Variants in C16orf95 observed in about 807,000 individuals in gnomAD.
C16orf95 encodes the protein uncharacterized protein C16orf95.
A neutral mutation model predicts 32.1 loss-of-function variants in C16orf95; 41 were observed. The ratio of observed to expected loss-of-function variants is 1.28; its 90% CI spans 1.00 to 1.66. The LOEUF (loss-of-function observed/expected upper bound fraction) is 1.66. Among genes scored for constraint, C16orf95 ranks in the 40% most tolerant of loss-of-function variants. C16orf95 has a pLI of 0.00. For missense variants in C16orf95, 399 were observed against 325.9 expected (o/e 1.22, Z -1.73); for synonymous variants, 147 against 128.9 (o/e 1.14, Z -0.95).
chr16:87,305,668 G>A lies in C16orf95; in HGVS notation c.701+51C>T, dbSNP rs1910985855. On this transcript the variant is annotated intron_variant, in intron 6 of 6. Transcript: ENST00000567970. The surrounding 1 kb of genome is among the most constrained non-coding windows in gnomAD (Gnocchi z 4.2). ...ATGGCCACCAAGCCTCCCTCAGGTG[G>A]ACGTCACCATGCCAGGGCCACCCAC... is the stretch of plus-strand genomic sequence containing the variant. 2 of 1,430,732 alleles carry A rather than the reference G, an allele frequency of 1.4e-6. No homozygotes were observed. The highest frequency in any genetic ancestry group is 2.7e-5 in the East Asian group (1 of 37,388). The allele number at this position is 1,430,732 out of a possible 1,614,324, so 88.6% of individuals were successfully genotyped here.
At position 87,305,063 on chromosome 16, in the gene C16orf95, G is replaced by A. The variant is rs1262498893; in HGVS notation, c.701+656C>T. 6.6e-6 allele frequency among the ~76,000 whole-genome samples: 1 copy of A among 152,184 alleles called. No homozygotes were observed. The highest frequency in any genetic ancestry group is 2.4e-5 in the African/African-American group (1 of 41,454). On this transcript the variant is annotated intron_variant, in intron 6 of 6. Transcript: ENST00000567970. The surrounding 1 kb of genome is among the most constrained non-coding windows in gnomAD (Gnocchi z 4.2). The stretch of plus-strand genomic sequence containing the variant: ...AGGAGGAGGAGAGGAGAGAGGCTTT[G>A]CAGAGGAGCCACCGCCTAGGCCGAG...
chr16:87,306,493 T>C (rs896422162), intron 5 of C16orf95, among the ~76,000 whole-genome samples: 1 of 152,130 alleles, frequency 6.6e-6, no homozygotes, highest in Admixed American at 6.5e-5. Flanking sequence ...ATATAAAATA[T>C]ACATTAATTA....
chr16:87,314,663 A>G (rs1357440727), intron 3 of C16orf95, among the ~76,000 whole-genome samples: 1 of 152,210 alleles, frequency 6.6e-6, no homozygotes, highest in Non-Finnish European at 1.5e-5. Context: ...AGTTTATCAC[A>G]TGCCAATCAA....
Position 87,305,826 on chromosome 16 carries a change from C to A in C16orf95, c.594G>T (p.Gln198His). 1 of 1,494,022 alleles carries A rather than the reference C, an allele frequency of 6.7e-7. No individual in the cohort carries two copies. The highest frequency in any genetic ancestry group is 1.3e-5 in the South Asian group (1 of 78,146). 92.5% of individuals were successfully genotyped at this position (1,494,022 alleles called of 1,614,324 possible). Residue 198 changes from glutamine to histidine, a missense_variant, in exon 6 of 7, where the codon CAG (glutamine) becomes CAT (histidine). Gln to His is a conservative substitution (Grantham distance 24). Coordinates refer to ENST00000567970, the MANE Select transcript of C16orf95 (RefSeq NM_001195124.3). The surrounding 1 kb of genome is among the most constrained non-coding windows in gnomAD (Gnocchi z 4.2). ...GDECLLSKFQ[Q>H]LQAPYQDQLP... is the part of the protein sequence containing the mutation. ...GCTGGTCCTGGTAGGGGGCCTGGAG[C>A]TGCTGGAACTTGGACAACAGGCACT...
rs1381579178 is a variant in C16orf95, at chr16:87,305,566, C to T, written c.701+153G>A. Among the ~76,000 whole-genome samples, 1 of 147,412 alleles carries T rather than the reference C, an allele frequency of 6.8e-6. No homozygotes were observed. Among genetic ancestry groups the T allele is most frequent in the African/African-American group, 2.5e-5 (1 of 40,186 alleles). On this transcript the variant is annotated intron_variant, in intron 6 of 6. Coordinates refer to ENST00000567970, the MANE Select transcript of C16orf95 (RefSeq NM_001195124.3). The surrounding 1 kb of genome is among the most constrained non-coding windows in gnomAD (Gnocchi z 4.2). The stretch of plus-strand genomic sequence containing the variant: ...GGCAGAGCCTGCGCTGTGCAGAGCA[C>T]CACAGGACACACTCACAGTGCCGGG...
rs1020814033 is a variant in C16orf95 at position 87,311,123 on chromosome 16, T to C, written c.477+27A>G. 57 of 1,490,462 alleles carry C rather than the reference T, an allele frequency of 3.8e-5. No individual in the cohort carries two copies. In the African/African-American group the frequency reaches 7.8e-4, roughly 20 times the overall value. The allele number at this position is 1,490,462 out of a possible 1,614,324, so 92.3% of individuals were successfully genotyped here. A position where few individuals can be genotyped will look rare whatever the true frequency, so the allele number is the denominator to read the frequency against. Reference sequence around the variant, plus strand: ...CGGCCCCCACCTCACTCTTCAGTTCTCACTGCAGTGTGCGCCTCCTCCTTA... The same window carrying C: ...CGGCCCCCACCTCACTCTTCAGTTCCCACTGCAGTGTGCGCCTCCTCCTTA... On this transcript the variant is annotated intron_variant, in intron 4 of 6. Coordinates refer to ENST00000567970, the MANE Select transcript of C16orf95 (RefSeq NM_001195124.3).
chr16:87,315,781 G>T lies in C16orf95; in HGVS notation c.195C>A (p.Pro65=). 1.3e-6 allele frequency: 2 copies of T among 1,530,478 alleles called. No homozygotes were observed. Among genetic ancestry groups the T allele is most frequent in the Non-Finnish European group, 1.7e-6 (2 of 1,144,014 alleles). The allele number at this position is 1,530,478 out of a possible 1,614,324, so 94.8% of individuals were successfully genotyped here. The change falls in exon 2 of 7, where the codon CCC becomes CCA. Residue 65 remains proline, a synonymous_variant. Transcript: ENST00000567970. The part of the protein sequence containing the change: ...FQTYKKEVCL[P]RHSMHPGPWA... ...GATTTGCTTTCCTTACCGAATGACG[G>T]GGGAGGCACACTTCTTTCTTGTAGG...
Position 87,302,986 on chromosome 16 carries a change from G to C in C16orf95, c.*71C>G, listed in dbSNP as rs1910832202. The C allele has an allele frequency of 6.8e-7, 1 of 1,469,640 alleles. No individual in the cohort carries two copies. The highest frequency in any genetic ancestry group is 2.0e-5 in the Admixed American group (1 of 50,922). The allele number at this position is 1,469,640 out of a possible 1,614,324, so 91.0% of individuals were successfully genotyped here. ...GACTGTCACAGACGCCTCCTGATTG[G>C]TGGACTCTCAAAGATCTTGATCGTG... On this transcript the variant is annotated 3_prime_UTR_variant, in exon 7 of 7. Transcript: ENST00000567970.
intron 6 of C16orf95, chr16:87,303,635 C>G (rs1256729083): frequency 6.3e-6 from 1 of 157,500 alleles, no homozygotes; most frequent in Admixed American, 6.0e-5. Flanking sequence ...CAGACACCTG[C>G]TATGGAAGCA....
Position 87,305,740 on chromosome 16 carries a change from G to GA in C16orf95, c.679_680insT (p.Pro227LeufsTer62). On this transcript the variant is annotated frameshift_variant, in exon 6 of 7. Coordinates refer to ENST00000567970, the MANE Select transcript of C16orf95 (RefSeq NM_001195124.3). LOFTEE classifies it low-confidence loss of function (END_TRUNC). The surrounding 1 kb of genome is among the most constrained non-coding windows in gnomAD (Gnocchi z 4.2). ...TCACCGAATGGCCATGATGACCCTC[G>GA]GGATGGCCTGGAGGAGGGTCAGGAG... 6.6e-7 allele frequency: 1 copy of GA among 1,511,572 alleles called. No individual in the cohort carries two copies. The highest frequency in any genetic ancestry group is 2.7e-5 in the East Asian group (1 of 37,272). 93.6% of individuals were successfully genotyped at this position (1,511,572 alleles called of 1,614,324 possible).
intron 1 of C16orf95, 74 bp from the exon 2 acceptor site, chr16:87,315,897 C>T (rs1904321957): frequency 3.6e-6 from 4 of 1,104,236 alleles, no homozygotes; most frequent in Admixed American, 2.7e-5. Context: ...CAGGCCTGGA[C>T]CTGTCTTCTC....
At chr16:87,308,014 A>G (rs1911104030) in intron 5 of C16orf95, among the ~76,000 whole-genome samples, 1 of 152,208 alleles carries the variant, frequency 6.6e-6, no homozygotes, top group Admixed American at 6.5e-5. Context: ...CAGGACTGTA[A>G]TTTGGCTGTA....
rs956206369 is a variant in C16orf95 at position 87,317,330 on chromosome 16, G to C, written c.-88C>G. On this transcript the variant is annotated 5_prime_UTR_variant, in exon 1 of 7. Transcript: ENST00000567970. ...GCTCCCGCCTTTCCCTCCTGCCCCAGGAGGAACCCAACCCGAGCTCAACCC... is the reference window on the plus strand; with the variant it reads ...GCTCCCGCCTTTCCCTCCTGCCCCACGAGGAACCCAACCCGAGCTCAACCC... 4 of 1,438,922 alleles carry C rather than the reference G, an allele frequency of 2.8e-6. No individual in the cohort carries two copies. In the African/African-American group the frequency reaches 5.7e-5, roughly 21 times the overall value. The allele number at this position is 1,438,922 out of a possible 1,614,324, so 89.1% of individuals were successfully genotyped here. A position where few individuals can be genotyped will look rare whatever the true frequency, so the allele number is the denominator to read the frequency against.
intron 3 of C16orf95, among the ~76,000 whole-genome samples, chr16:87,312,934 T>TAA: frequency 6.6e-6 from 1 of 152,152 alleles, no homozygotes; most frequent in Admixed American, 6.5e-5. Context: ...GTCATCAAAA[T>TAA]TATGAAATAC....
Position 87,315,786 on chromosome 16 carries a change from G to C in C16orf95, c.190C>G (p.Leu64Val), listed in dbSNP as rs1904318472. The change falls in exon 2 of 7, where the codon CTC (leucine) becomes GTC (valine). Residue 64 changes from leucine to valine, a missense_variant. Coordinates refer to ENST00000567970, the MANE Select transcript of C16orf95 (RefSeq NM_001195124.3). ...GCTTTCCTTACCGAATGACGGGGGA[G>C]GCACACTTCTTTCTTGTAGGTTTGA... is the stretch of plus-strand genomic sequence containing the variant. ...TFQTYKKEVC[L>V]PRHSMHPGPW... 1 of 1,530,596 alleles carries C rather than the reference G, an allele frequency of 6.5e-7. No individual in the cohort carries two copies. The highest frequency in any genetic ancestry group is 1.4e-5 in the African/African-American group (1 of 72,860). The allele number at this position is 1,530,596 out of a possible 1,614,324, so 94.8% of individuals were successfully genotyped here.
intron 5 of C16orf95, among the ~76,000 whole-genome samples, chr16:87,309,241 C>A (rs1911163718): frequency 6.6e-6 from 1 of 151,990 alleles, no homozygotes; most frequent in Non-Finnish European, 1.5e-5. Flanking sequence ...CTTCTTAGCA[C>A]CTCAAATTAG....
chr16:87,308,139 A>G (rs1479465604), intron 5 of C16orf95, among the ~76,000 whole-genome samples: 1 of 152,148 alleles, frequency 6.6e-6, no homozygotes, highest in African/African-American at 2.4e-5. Context: ...AGCTTTCCAG[A>G]GTGTTTTTCT....
chr16:87,314,811 T>C (rs1391017106), intron 3 of C16orf95, among the ~76,000 whole-genome samples, 160 bp downstream of exon 3: 1 of 152,206 alleles, frequency 6.6e-6, no homozygotes, highest in African/African-American at 2.4e-5. Context: ...GACAGCACAT[T>C]ACCCATCTGA....
At chr16:87,310,058 G>A (rs1280939190) in intron 5 of C16orf95, among the ~76,000 whole-genome samples, 1 of 152,178 alleles carries the variant, frequency 6.6e-6, no homozygotes, top group African/African-American at 2.4e-5. Flanking sequence ...CCAGAGAACC[G>A]ATGCTGGCAG....
Sources: allele counts gnomAD v4.1 joint callset (sites outside exome capture counted in the v4.1 genomes callset), GRCh38; gene constraint gnomAD v4.1.1; non-coding constraint Gnocchi (gnomAD v3.1); transcripts MANE v1.5; gene names NCBI Gene and HGNC (gene_info 2026-07-23, HGNC 2026-07-21).